ANKUB1: variants seen among roughly 807,000 people sequenced by gnomAD.
The protein encoded by ANKUB1 is protein ANKUB1.
Under a neutral mutation model 49.3 loss-of-function variants are expected in ANKUB1, and 42 were observed. The ratio of observed to expected loss-of-function variants is 0.85; its 90% confidence interval spans 0.67 to 1.10. The LOEUF is 1.10. Among genes scored for constraint, ANKUB1 ranks in the 50% least tolerant of loss-of-function variants. ANKUB1 has a pLI of 0.00. For synonymous variants in ANKUB1, 222 were observed against 231.0 expected (o/e 0.96, Z 0.35); for missense variants, 613 against 642.0 (o/e 0.95, Z 0.49).
In ANKUB1 at chr3:149,792,464, T is replaced by C. The variant is rs1250850169; in HGVS notation, c.-98A>G. ...GGTTCACAATTAAGGACAAAAATGA[T>C]AGCCAGAGGCAGCTGTCACTGTCTA... On this transcript the variant is annotated 5_prime_UTR_variant, in exon 1 of 6. Transcript: ENST00000446160. 5.3e-6 allele frequency: 5 copies of C among 948,168 alleles called. No homozygotes were observed. The highest frequency in any genetic ancestry group is 4.3e-5 in the South Asian group (2 of 46,830). 58.7% of individuals were successfully genotyped at this position (948,168 alleles called of 1,614,324 possible). A position where few individuals can be genotyped will look rare whatever the true frequency, so the allele number is the denominator to read the frequency against.
At position 149,792,394 on chromosome 3, in the gene ANKUB1, T is replaced by A. The variant is rs760844747; in HGVS notation, c.-28A>T. The stretch of plus-strand genomic sequence containing the variant: ...TACAATTACCTTTTCAAACAAAAAA[T>A]ATCCAACTTTTTCAAAGATTCTCCT... On this transcript the variant is annotated 5_prime_UTR_variant, in exon 1 of 6. Transcript: ENST00000446160. 1 of 1,448,224 alleles carries A rather than the reference T, an allele frequency of 6.9e-7. No homozygotes were observed. Among genetic ancestry groups the A allele is most frequent in the South Asian group, 1.4e-5 (1 of 71,464 alleles). The allele number at this position is 1,448,224 out of a possible 1,614,324, so 89.7% of individuals were successfully genotyped here.
intron 2 of ANKUB1, among the ~76,000 whole-genome samples, chr3:149,790,535 G>A (rs1718313761): frequency 6.6e-6 from 1 of 152,176 alleles, no homozygotes; most frequent in South Asian, 2.1e-4. Context: ...GGACTGGGCA[G>A]GCAATAAAGG....
At chr3:149,786,389 G>A (rs1032353586) in intron 2 of ANKUB1, among the ~76,000 whole-genome samples, 1 of 152,162 alleles carries the variant, frequency 6.6e-6, no homozygotes, top group East Asian at 1.9e-4. Flanking sequence ...CTTTTGAGAA[G>A]CATCTGTTCA....
At chr3:149,784,714 G>A (rs2108278623) in intron 2 of ANKUB1, among the ~76,000 whole-genome samples, 1 of 152,294 alleles carries the variant, frequency 6.6e-6, no homozygotes. Flanking sequence ...GAACCATGAT[G>A]TTGGTCAGGG....
intron 3 of ANKUB1, among the ~76,000 whole-genome samples, chr3:149,777,654 C>T (rs950306992): frequency 1.3e-5 from 2 of 152,204 alleles, no homozygotes; most frequent in Non-Finnish European, 2.9e-5. Context: ...AGAACAGTCT[C>T]CTGCTTTCTG....
Position 149,767,792 on chromosome 3 carries a change from TAC to T in ANKUB1, c.868_869del (p.Val290IlefsTer6). 1.3e-6 allele frequency: 2 copies of T among 1,551,772 alleles called. No homozygotes were observed. ...IVFKHKHKDC[V>X]LYLLSKMWST... ...ACCACATTTTACTGAGCAAATATAA[TAC>T]ACAGTCTTTATGCTTGTGTTTGAAC... is the stretch of plus-strand genomic sequence containing the variant. On this transcript the variant is annotated frameshift_variant, in exon 5 of 6. Transcript: ENST00000446160. LOFTEE classifies it high-confidence loss of function.
Position 149,761,302 on chromosome 3 carries a change from A to T in ANKUB1, c.*182T>A. On this transcript the variant is annotated 3_prime_UTR_variant, in exon 6 of 6. Transcript: ENST00000446160. Reference sequence around the variant, plus strand: ...TATTCTTTATGCAAAAATAGCACTAAAGTTTCACTTAGTGTGATGAAGTCT... The same window carrying T: ...TATTCTTTATGCAAAAATAGCACTATAGTTTCACTTAGTGTGATGAAGTCT... 1.6e-6 allele frequency: 1 copy of T among 639,514 alleles called. No homozygotes were observed. The highest frequency in any genetic ancestry group is 2.4e-6 in the Non-Finnish European group (1 of 414,048). 39.6% of individuals were successfully genotyped at this position (639,514 alleles called of 1,614,324 possible).
chr3:149,766,868 C>CAGG, intron 5 of ANKUB1: 1 of 1,119,746 alleles, frequency 8.9e-7, no homozygotes, highest in Non-Finnish European at 1.2e-6. Context: ...GCAGCAGCAG[C>CAGG]AGCAGCAGCA....
intron 3 of ANKUB1, 96 bp downstream of exon 3, chr3:149,780,143 A>C: frequency 1.0e-6 from 1 of 965,280 alleles, no homozygotes. Flanking sequence ...GTATATGAAA[A>C]TCTAGATTTC....
intron 3 of ANKUB1, among the ~76,000 whole-genome samples, chr3:149,773,277 T>G (rs1192280644): frequency 6.6e-6 from 1 of 152,180 alleles, no homozygotes; most frequent in Non-Finnish European, 1.5e-5. Context: ...ATGGGGCTCT[T>G]CCTCTGTTAC....
chr3:149,788,524 G>A (rs1718214699), intron 2 of ANKUB1, among the ~76,000 whole-genome samples: 1 of 151,872 alleles, frequency 6.6e-6, no homozygotes, highest in African/African-American at 2.4e-5. Context: ...TATTTTTGTA[G>A]AGATGGGGTC....
At chr3:149,773,354 A>G (rs1052868401) in intron 3 of ANKUB1, among the ~76,000 whole-genome samples, 2 of 152,018 alleles carry the variant, frequency 1.3e-5, no homozygotes, top group Admixed American at 6.6e-5. Context: ...TCCTATTTGC[A>G]TACTTGTTTA....
In ANKUB1 at chr3:149,767,266, A is replaced by G. The variant is rs1717068944; in HGVS notation, c.1396T>C (p.Tyr466His). The G allele has an allele frequency of 1.9e-6, 3 of 1,551,714 alleles. No individual in the cohort carries two copies. Among genetic ancestry groups the G allele is most frequent in the Non-Finnish European group, 2.6e-6 (3 of 1,146,992 alleles). The change falls in exon 5 of 6, where the codon TAT becomes CAT. Residue 466 changes from tyrosine (Y) to histidine (H), a missense_variant. Physicochemically the swap from Tyr to His is moderately conservative, Grantham distance 83. Coordinates refer to ENST00000446160, the MANE Select transcript of ANKUB1 (RefSeq NM_001144960.3). ...AAAAAGTCAGCACTGGGTGTTGCAT[A>G]GAAAAACGATGGATGTGAATATCCC... is the stretch of plus-strand genomic sequence containing the variant. ...RVGYSHPSFF[Y>H]ATPSADFLLK... is the part of the protein sequence containing the mutation.
chr3:149,774,382 C>T (rs938825314), intron 3 of ANKUB1, among the ~76,000 whole-genome samples: 10 of 152,168 alleles, frequency 6.6e-5, no homozygotes, highest in African/African-American at 2.2e-4. Flanking sequence ...TCGGCCTTAC[C>T]GACTGACAGC....
In ANKUB1 at chr3:149,780,408, G is replaced by A; in HGVS notation, c.282C>T (p.Asp94=). Reference sequence around the variant, plus strand: ...AAATGCTCTCCATTACTGGCATTGTGTCTTGAGTTACAGCATTGAACACGT... The same window carrying A: ...AAATGCTCTCCATTACTGGCATTGTATCTTGAGTTACAGCATTGAACACGT... ...TLYVFNAVTQ[D]TMPVMESISL... is the part of the protein sequence containing the mutation. The change falls in exon 3 of 6, where the codon GAC becomes GAT. Residue 94 remains aspartate (D), a synonymous_variant. Coordinates refer to ENST00000446160, the MANE Select transcript of ANKUB1 (RefSeq NM_001144960.3). The A allele has an allele frequency of 6.4e-7, 1 of 1,552,208 alleles. No individual in the cohort carries two copies. The highest frequency in any genetic ancestry group is 8.7e-7 in the Non-Finnish European group (1 of 1,147,064).
At chr3:149,784,317 A>C (rs949070225) in intron 2 of ANKUB1, among the ~76,000 whole-genome samples, 1 of 152,166 alleles carries the variant, frequency 6.6e-6, no homozygotes, top group East Asian at 1.9e-4. Flanking sequence ...GAAAAGCACA[A>C]CCTGCTGGAT....
intron 1 of ANKUB1, 87 bp downstream of exon 1, chr3:149,792,190 T>G: frequency 3.5e-6 from 3 of 863,370 alleles, no homozygotes; most frequent in Non-Finnish European, 4.8e-6. Flanking sequence ...ATGTACCCAA[T>G]AGCATCTCTA....
chr3:149,790,700 G>C lies in ANKUB1; in HGVS notation c.234+81C>G. 7.5e-6 allele frequency: 10 copies of C among 1,339,858 alleles called. No individual in the cohort carries two copies. In the South Asian group the frequency reaches 1.5e-4, roughly 20 times the overall value. The allele number at this position is 1,339,858 out of a possible 1,614,324, so 83.0% of individuals were successfully genotyped here. ...AGAGACAATTTCTTTTTAAGTTATG[G>C]AATTACTTTGGTTGACTTATCCCCA... On this transcript the variant is annotated intron_variant, in intron 2 of 5. Coordinates refer to ENST00000446160, the MANE Select transcript of ANKUB1 (RefSeq NM_001144960.3).
chr3:149,784,482 T>G (rs917470664), intron 2 of ANKUB1, among the ~76,000 whole-genome samples: 1 of 152,158 alleles, frequency 6.6e-6, no homozygotes, highest in African/African-American at 2.4e-5. Context: ...GTTGCCGGCC[T>G]GGCAGCAGGG....
Sources: allele counts gnomAD v4.1 joint callset (sites outside exome capture counted in the v4.1 genomes callset), GRCh38; gene constraint gnomAD v4.1.1; transcripts MANE v1.5; gene names NCBI Gene and HGNC (gene_info 2026-07-23, HGNC 2026-07-21).